Variants in PLCZ1 observed in about 807,000 individuals in gnomAD.
The protein encoded by PLCZ1 is phospholipase C zeta 1, also known as 1-phosphatidylinositol 4,5-bisphosphate phosphodiesterase zeta-1.
A neutral mutation model predicts 76.8 loss-of-function variants in PLCZ1; 64 were observed. That is an observed-to-expected ratio of 0.83 (90% confidence interval 0.68 to 1.03). The LOEUF is 1.03. Ranked by LOEUF, PLCZ1 falls within the 50% of genes least tolerant of loss-of-function variation. The probability of loss-of-function intolerance (pLI) is 0.00; values close to 1 mark genes in which losing one functional copy is unlikely to be tolerated. For synonymous variants in PLCZ1, 248 were observed against 230.8 expected, an observed-to-expected ratio of 1.07 and a Z score of -0.68; for missense variants, 751 against 713.7, an observed-to-expected ratio of 1.05 and a Z score of -0.60.
chr12:18,668,471 G>C, the PLCZ1 span, among the ~76,000 whole-genome samples: 16,004 of 152,180 alleles, frequency 0.11, 920 homozygotes, highest in Middle Eastern at 0.14. Context: ...GGTGAGACAA[G>C]GACTGCAGGG....
At chr12:18,675,294 G>C in the PLCZ1 span, among the ~76,000 whole-genome samples, 1 of 152,236 alleles carries the variant, frequency 6.6e-6, no homozygotes, top group Middle Eastern at 3.4e-3. Flanking sequence ...CAAATCGATG[G>C]CTGTTTCAAG....
the PLCZ1 span, among the ~76,000 whole-genome samples, chr12:18,646,921 G>A: frequency 2.0e-5 from 3 of 151,142 alleles, no homozygotes; most frequent in African/African-American, 7.3e-5. Flanking sequence ...GAAAAAAAAA[G>A]TCACAAAAAA....
chr12:18,687,994 T>G, intron 13 of PLCZ1, 95 bp downstream of exon 13: 1 of 1,515,494 alleles, frequency 6.6e-7, no homozygotes, highest in Non-Finnish European at 9.0e-7. Context: ...GTCTTATGAA[T>G]AATAAATATG....
At chr12:18,686,778 T>C (rs1034084619) in intron 13 of PLCZ1, among the ~76,000 whole-genome samples, 20 of 152,066 alleles carry the variant, frequency 1.3e-4, no homozygotes, top group African/African-American at 4.6e-4. Context: ...GGTCCATATA[T>C]AAGAATTCAT....
the PLCZ1 span, among the ~76,000 whole-genome samples, chr12:18,668,159 T>C: frequency 6.6e-6 from 1 of 152,106 alleles, no homozygotes; most frequent in African/African-American, 2.4e-5. Flanking sequence ...GACTAGCAGG[T>C]AGTGAAATTT....
intron 14 of PLCZ1, 134 bp from the exon 15 acceptor site, chr12:18,683,458 G>C: frequency 7.0e-7 from 1 of 1,426,496 alleles, no homozygotes; most frequent in Non-Finnish European, 9.7e-7. Context: ...ATTCCCATCT[G>C]GTATATTAAT....
At chr12:18,668,359 C>T in the PLCZ1 span, among the ~76,000 whole-genome samples, 1 of 152,182 alleles carries the variant, frequency 6.6e-6, no homozygotes, top group African/African-American at 2.4e-5. Context: ...TACCAGTTTA[C>T]TAATTCCCTT....
intron 12 of PLCZ1, among the ~76,000 whole-genome samples, chr12:18,692,555 G>A (rs10841068): frequency 0.38 from 57,698 of 151,916 alleles, 11,910 homozygotes; most frequent in African/African-American, 0.53. Flanking sequence ...ATAATAAGAC[G>A]AGAGTCTGGA....
chr12:18,686,307 A>T (rs1953143625), intron 13 of PLCZ1, among the ~76,000 whole-genome samples: 1 of 152,214 alleles, frequency 6.6e-6, no homozygotes, highest in Non-Finnish European at 1.5e-5. Flanking sequence ...CCTACTTAAA[A>T]GTCTGAATTT....
intron 6 of PLCZ1, among the ~76,000 whole-genome samples, chr12:18,710,172 T>C (rs1192311467): frequency 1.3e-5 from 2 of 148,578 alleles, no homozygotes; most frequent in African/African-American, 5.0e-5. Flanking sequence ...CTCTTTTTCT[T>C]ATCTAGTTGC....
the PLCZ1 span, among the ~76,000 whole-genome samples, chr12:18,661,619 A>G: frequency 6.6e-6 from 1 of 152,158 alleles, no homozygotes; most frequent in Non-Finnish European, 1.5e-5. Context: ...ACCAGTCAGA[A>G]TGGCTATTAT....
rs1257019153 is a variant in PLCZ1, at chr12:18,683,244, T to C, written c.1822A>G (p.Arg608Gly). The change falls in exon 15 of 15, where the codon AGA becomes GGA. Residue 608 changes from arginine to glycine, a missense_variant. Coordinates refer to ENST00000266505, the MANE Select transcript of PLCZ1 (RefSeq NM_033123.4). Reference sequence around the variant, plus strand: ...ATGTCATTTATCATTAGCTGTTATCTGACGTACCAAACATAAACAAACAGT... The same window carrying C: ...ATGTCATTTATCATTAGCTGTTATCCGACGTACCAAACATAAACAAACAGT... The part of the protein sequence containing the change: ...ASLFVYVWYV[R>G] 1.2e-6 allele frequency: 2 copies of C among 1,612,366 alleles called. No individual in the cohort carries two copies. Among genetic ancestry groups the C allele is most frequent in the East Asian group, 4.5e-5 (2 of 44,806 alleles).
At chr12:18,711,043 C>A (rs1348589804) in intron 6 of PLCZ1, among the ~76,000 whole-genome samples, 1 of 151,840 alleles carries the variant, frequency 6.6e-6, no homozygotes, top group Admixed American at 6.6e-5. Flanking sequence ...GGTATATACC[C>A]AAAGGACTAT....
intron 9 of PLCZ1, among the ~76,000 whole-genome samples, chr12:18,701,084 A>G (rs1388748527): frequency 6.6e-6 from 1 of 151,836 alleles, no homozygotes; most frequent in African/African-American, 2.4e-5. Flanking sequence ...TCCCAGGTTC[A>G]AGCAATTCTC....
At chr12:18,701,357 G>T in intron 9 of PLCZ1, 144 bp downstream of exon 9, 2 of 1,429,232 alleles carry the variant, frequency 1.4e-6, no homozygotes, top group Non-Finnish European at 9.3e-7. Context: ...CACCATCGAT[G>T]TTTTCAAAGT....
intron 5 of PLCZ1, chr12:18,715,616 G>A (rs910320026): frequency 1.3e-5 from 2 of 152,070 alleles, no homozygotes; most frequent in Admixed American, 6.6e-5. Flanking sequence ...TAGCCAGGAT[G>A]GGGTTTTTAA....
rs778662066 is a variant in PLCZ1, at chr12:18,736,340, A to T, written c.16T>A (p.Phe6Ile). The T allele has an allele frequency of 6.8e-6, 11 of 1,611,570 alleles. No individual in the cohort carries two copies. In the South Asian group the frequency reaches 1.2e-4, roughly 18 times the overall value. The change falls in exon 3 of 15, where the codon TTT becomes ATT. Residue 6 changes from phenylalanine (F) to isoleucine (I), a missense_variant. Coordinates refer to ENST00000266505, the MANE Select transcript of PLCZ1 (RefSeq NM_033123.4). MEMRW[F>I]LSKIQDDFRG... is the part of the protein sequence containing the mutation. ...AAGTCATCCTGAATCTTTGACAAAA[A>T]CCATGTAGAAGCACAAAAAAGTTAA...
intron 12 of PLCZ1, chr12:18,694,136 T>C (rs1954582957): frequency 3.5e-6 from 3 of 855,608 alleles, no homozygotes; most frequent in Non-Finnish European, 5.6e-6. Context: ...GGTTGGGTGA[T>C]TTCTCAGTCC....
At chr12:18,653,936 C>A in the PLCZ1 span, among the ~76,000 whole-genome samples, 1 of 152,046 alleles carries the variant, frequency 6.6e-6, no homozygotes, top group Admixed American at 6.6e-5. Flanking sequence ...TACCTGTCAG[C>A]CTTCTGGCTC....
Sources: gnomAD v4.1 joint callset for allele counts (sites outside exome capture counted in the v4.1 genomes callset) on GRCh38, gnomAD v4.1.1 for gene constraint, MANE v1.5 for transcripts, NCBI Gene and HGNC (gene_info 2026-07-23, HGNC 2026-07-21) for gene names.